VPS41: variants seen among roughly 807,000 people sequenced by gnomAD.
VPS41 encodes vacuolar protein sorting-associated protein 41 homolog.
A neutral mutation model predicts 130.9 loss-of-function variants in VPS41; 85 were observed. The observed-to-expected ratio is 0.65, with a 90% confidence interval of 0.55 to 0.78. The LOEUF is 0.78. Ranked by LOEUF, VPS41 falls within the 30% of genes least tolerant of loss-of-function variation. The pLI, the probability that VPS41 is intolerant of heterozygous loss-of-function variation, is 0.00. For synonymous variants in VPS41, 335 were observed against 332.9 expected, an observed-to-expected ratio of 1.01 and a Z score of -0.07; for missense variants, 874 against 1,018.7, an observed-to-expected ratio of 0.86 and a Z score of 1.93.
intron 2 of VPS41, among the ~76,000 whole-genome samples, chr7:38,886,191 G>C (rs1406745332): frequency 6.6e-6 from 1 of 152,062 alleles, no homozygotes; most frequent in Non-Finnish European, 1.5e-5. Context: ...GCAGAAGCAG[G>C]GCAGGGCGTC....
chr7:38,906,332 G>T (rs1365683678), intron 1 of VPS41, among the ~76,000 whole-genome samples: 1 of 150,662 alleles, frequency 6.6e-6, no homozygotes, highest in Non-Finnish European at 1.5e-5. Flanking sequence ...AGACTGCTGG[G>T]TTTTTTTTTG....
chr7:38,743,828 T>C (rs995488550), intron 23 of VPS41, among the ~76,000 whole-genome samples: 2 of 152,310 alleles, frequency 1.3e-5, no homozygotes, highest in East Asian at 1.9e-4. Context: ...TCCTCTTTTA[T>C]AGAAGAGGAA....
intron 17 of VPS41, among the ~76,000 whole-genome samples, chr7:38,761,195 C>G (rs1470067207): frequency 2.7e-5 from 4 of 147,742 alleles, no homozygotes; most frequent in African/African-American, 1.0e-4. Context: ...TCCTTTCTTC[C>G]CTCCCTCCCT....
At chr7:38,849,913 G>GC (rs1423103833) in intron 4 of VPS41, among the ~76,000 whole-genome samples, 1 of 133,912 alleles carries the variant, frequency 7.5e-6, no homozygotes, top group Non-Finnish European at 1.6e-5. Context: ...GCACTTCCTT[G>GC]CCCCCCTTCC....
intron 17 of VPS41, among the ~76,000 whole-genome samples, chr7:38,759,096 G>A (rs937387770): frequency 6.6e-6 from 1 of 152,252 alleles, no homozygotes; most frequent in African/African-American, 2.4e-5. Flanking sequence ...AATCTAAGGA[G>A]GTGGTAGTGG....
Position 38,728,809 on chromosome 7 carries a change from A to C in VPS41, c.2260-18T>G. 11 of 1,611,512 alleles carry C rather than the reference A, an allele frequency of 6.8e-6. No homozygotes were observed. The highest frequency in any genetic ancestry group is 7.6e-6 in the Non-Finnish European group (9 of 1,177,746). On this transcript the variant is annotated intron_variant, in intron 25 of 28. Coordinates refer to ENST00000310301, the MANE Select transcript of VPS41 (RefSeq NM_014396.4). ...AGCAGAATCTAATGCATACATTTTA[A>C]AAGAAAAGCCATCTTAAGTAGACTC... is the stretch of plus-strand genomic sequence containing the variant.
chr7:38,780,049 A>AT (rs1455768558), intron 10 of VPS41, among the ~76,000 whole-genome samples: 1 of 152,148 alleles, frequency 6.6e-6, no homozygotes, highest in Non-Finnish European at 1.5e-5. Context: ...GTCAGTTCTA[A>AT]TACTACAGAA....
At position 38,830,342 on chromosome 7, in the gene VPS41, G is replaced by C. The variant is rs1488575638; in HGVS notation, c.247-14C>G. On this transcript the variant is annotated splice_polypyrimidine_tract_variant and intron_variant, in intron 4 of 28. Transcript: ENST00000310301. ...CTTCACAGGACTCTAAAAAGAAAAAGACAAAAAGATGTGTAAAACTTCAGG... is the reference window on the plus strand; with the variant it reads ...CTTCACAGGACTCTAAAAAGAAAAACACAAAAAGATGTGTAAAACTTCAGG... The C allele has an allele frequency of 6.4e-7, 1 of 1,558,478 alleles. No individual in the cohort carries two copies. Among genetic ancestry groups the C allele is most frequent in the South Asian group, 1.1e-5 (1 of 90,040 alleles).
At chr7:38,747,527 T>G (rs1354088606) in intron 22 of VPS41, among the ~76,000 whole-genome samples, 2 of 152,232 alleles carry the variant, frequency 1.3e-5, no homozygotes, top group African/African-American at 4.8e-5. Flanking sequence ...ACTTACACAC[T>G]TTAAAATACC....
At chr7:38,761,257 T>C (rs1472529298) in intron 17 of VPS41, among the ~76,000 whole-genome samples, 2 of 98,718 alleles carry the variant, frequency 2.0e-5, no homozygotes, top group Non-Finnish European at 4.3e-5. Context: ...CTCTCTCTCT[T>C]CCTCTCTTTT....
At chr7:38,747,906 TGAA>T (rs1175715249) in intron 22 of VPS41, among the ~76,000 whole-genome samples, 1 of 152,186 alleles carries the variant, frequency 6.6e-6, no homozygotes, top group Non-Finnish European at 1.5e-5. Flanking sequence ...AAGAAATGTC[TGAA>T]GGTAAGCTGA....
chr7:38,844,482 G>A (rs1253898916), intron 4 of VPS41, among the ~76,000 whole-genome samples: 1 of 151,902 alleles, frequency 6.6e-6, no homozygotes, highest in Admixed American at 6.6e-5. Context: ...TACTCTATTA[G>A]AATATAAACG....
At chr7:38,764,675 G>A (rs1486745060) in intron 16 of VPS41, among the ~76,000 whole-genome samples, 1 of 152,140 alleles carries the variant, frequency 6.6e-6, no homozygotes, top group East Asian at 1.9e-4. Context: ...GGTGTAACAT[G>A]TTCTAATCAA....
intron 22 of VPS41, chr7:38,746,119 T>C (rs1795980162): frequency 6.5e-6 from 1 of 152,828 alleles, no homozygotes; most frequent in Admixed American, 6.5e-5. Context: ...TAGGAATATT[T>C]GTACTGCCAG....
chr7:38,863,056 C>T (rs569001246), intron 3 of VPS41, among the ~76,000 whole-genome samples: 1 of 152,252 alleles, frequency 6.6e-6, no homozygotes, highest in African/African-American at 2.4e-5. Flanking sequence ...ACACAAACAA[C>T]AAATTATTTT....
In VPS41 at chr7:38,843,544, C is replaced by T. The variant is rs1323712761; in HGVS notation, c.247-13216G>A. Reference sequence around the variant, plus strand: ...AAAAATACAAAAAATTAGCCGGGCGCGGTGCTGGGCGCCTGTAATCCCGGC... The same window carrying T: ...AAAAATACAAAAAATTAGCCGGGCGTGGTGCTGGGCGCCTGTAATCCCGGC... On this transcript the variant is annotated intron_variant, in intron 4 of 28. Coordinates refer to ENST00000310301, the MANE Select transcript of VPS41 (RefSeq NM_014396.4). Among the ~76,000 whole-genome samples the T allele has an allele frequency of 6.6e-5, 10 of 151,916 alleles. No individual in the cohort carries two copies. In the South Asian group the frequency reaches 1.7e-3, roughly 25 times the overall value.
chr7:38,865,015 T>C (rs775102478), intron 3 of VPS41, among the ~76,000 whole-genome samples: 12 of 152,228 alleles, frequency 7.9e-5, no homozygotes, highest in South Asian at 4.1e-4. Context: ...AAGCAGTCCT[T>C]TGGACAATGC....
At chr7:38,759,515 A>G (rs991538046) in intron 17 of VPS41, among the ~76,000 whole-genome samples, 6 of 152,228 alleles carry the variant, frequency 3.9e-5, no homozygotes, top group African/African-American at 1.4e-4. Flanking sequence ...ATCAATTTTC[A>G]GACTATGGGT....
At chr7:38,775,255 A>G (rs1230122101) in intron 11 of VPS41, 1 of 152,104 alleles carries the variant, frequency 6.6e-6, no homozygotes, top group Non-Finnish European at 1.5e-5. Context: ...GTGTACTTTA[A>G]TGTTCTATAA....
Sources: gnomAD v4.1 joint callset for allele counts (sites outside exome capture counted in the v4.1 genomes callset) on GRCh38, gnomAD v4.1.1 for gene constraint, MANE v1.5 for transcripts, NCBI Gene and HGNC (gene_info 2026-07-23, HGNC 2026-07-21) for gene names.